CHLSN: variants seen among roughly 807,000 people sequenced by gnomAD.
The protein encoded by CHLSN is cholesin, also known as protein cholesin.
At chr7:1,099,076 G>C in the CHLSN span, among the ~76,000 whole-genome samples, 1 of 152,198 alleles carries the variant, frequency 6.6e-6, no homozygotes, top group Non-Finnish European at 1.5e-5. Flanking sequence ...GAGCCTCACT[G>C]TCACGTTCTT....
the CHLSN span, among the ~76,000 whole-genome samples, chr7:1,039,660 G>A: frequency 1.5e-5 from 1 of 67,238 alleles, no homozygotes. Flanking sequence ...CCACTACCCC[G>A]TCTGGGAGGT....
chr7:1,092,888 G>A, the CHLSN span: 1 of 1,596,058 alleles, frequency 6.3e-7, no homozygotes, highest in African/African-American at 1.3e-5. Context: ...CAGCCAGGGT[G>A]TGACTCGGGA....
At chr7:1,012,594 G>C in the CHLSN span, among the ~76,000 whole-genome samples, 2 of 152,250 alleles carry the variant, frequency 1.3e-5, no homozygotes, top group African/African-American at 4.8e-5. Flanking sequence ...GTGTCCCCGA[G>C]GGAGCCACTG....
the CHLSN span, among the ~76,000 whole-genome samples, chr7:979,438 T>C: frequency 6.6e-6 from 1 of 152,212 alleles, no homozygotes; most frequent in South Asian, 2.1e-4. Flanking sequence ...CTAGGATCGT[T>C]GACCTTATCT....
At chr7:1,064,137 C>T in the CHLSN span, among the ~76,000 whole-genome samples, 4 of 152,200 alleles carry the variant, frequency 2.6e-5, no homozygotes, top group African/African-American at 4.8e-5. Flanking sequence ...TATGCAAGCA[C>T]GCATGCACAC....
chr7:1,021,667 C>T, the CHLSN span: 1 of 762,186 alleles, frequency 1.3e-6, no homozygotes, highest in Non-Finnish European at 1.6e-6. Context: ...CCTCTGGGAA[C>T]CCCGGCAGGT....
chr7:1,045,774 C>G, the CHLSN span: 2 of 152,266 alleles, frequency 1.3e-5, no homozygotes, highest in African/African-American at 2.4e-5. Context: ...GACTTAAGAA[C>G]ATAGTTTATA....
At chr7:1,136,465 C>CAT in the CHLSN span, among the ~76,000 whole-genome samples, 2,877 of 67,776 alleles carry the variant, frequency 0.042, 365 homozygotes, top group East Asian at 0.13. Context: ...CATATATAAA[C>CAT]ATATATAAAT....
chr7:1,064,716 A>G, the CHLSN span, among the ~76,000 whole-genome samples: 11,008 of 152,204 alleles, frequency 0.072, 446 homozygotes, highest in Admixed American at 0.11. Context: ...CTGGCCCCAG[A>G]CTGTCGGATG....
the CHLSN span, among the ~76,000 whole-genome samples, chr7:1,123,513 C>T: frequency 6.6e-6 from 1 of 152,152 alleles, no homozygotes; most frequent in Non-Finnish European, 1.5e-5. The surrounding 1 kb of genome is among the most constrained non-coding windows in gnomAD (Gnocchi z 4.4). Context: ...CCACACGCTC[C>T]CCCGGAGCCC....
chr7:1,055,218 G>A, the CHLSN span: 2 of 470,674 alleles, frequency 4.2e-6, no homozygotes, highest in African/African-American at 2.0e-5. Context: ...GTAAACAGCA[G>A]GAGGGAGGGG....
At chr7:1,097,942 C>T in the CHLSN span, among the ~76,000 whole-genome samples, 1 of 152,100 alleles carries the variant, frequency 6.6e-6, no homozygotes, top group African/African-American at 2.4e-5. The surrounding 1 kb of genome is among the most constrained non-coding windows in gnomAD (Gnocchi z 4.3). Flanking sequence ...AGCAATCATC[C>T]CAAACTCAGA....
chr7:1,101,538 C>T, the CHLSN span, among the ~76,000 whole-genome samples: 3 of 152,230 alleles, frequency 2.0e-5, no homozygotes, highest in Non-Finnish European at 4.4e-5. Flanking sequence ...GCCCCTTCCC[C>T]GGCTATTCCT....
chr7:1,091,748 C>A, the CHLSN span: 1 of 1,534,712 alleles, frequency 6.5e-7, no homozygotes, highest in South Asian at 1.3e-5. Context: ...ACTTCCCAAG[C>A]CCGGGGCGTG....
chr7:1,081,562 G>A, the CHLSN span, among the ~76,000 whole-genome samples: 22 of 152,364 alleles, frequency 1.4e-4, no homozygotes, highest in East Asian at 3.3e-3. Context: ...CGCGGACGGG[G>A]AAGCTGAGAC....
At chr7:1,084,574 C>T in the CHLSN span, among the ~76,000 whole-genome samples, 2 of 152,308 alleles carry the variant, frequency 1.3e-5, no homozygotes, top group Admixed American at 6.5e-5. Flanking sequence ...CAGGCAGTGC[C>T]GCCCCACCCT....
At chr7:1,121,746 A>G in the CHLSN span, among the ~76,000 whole-genome samples, 2 of 152,208 alleles carry the variant, frequency 1.3e-5, no homozygotes, top group Non-Finnish European at 2.9e-5. Flanking sequence ...ACCTGGGAAC[A>G]TGGTACCCTG....
At chr7:1,137,940 C>T in the CHLSN span, 2 of 152,188 alleles carry the variant, frequency 1.3e-5, no homozygotes, top group Non-Finnish European at 1.5e-5. Flanking sequence ...GAGTCCCTTC[C>T]ACTCGCCCGC....
chr7:1,092,527 G>A, the CHLSN span: 3 of 1,608,372 alleles, frequency 1.9e-6, no homozygotes, highest in African/African-American at 1.3e-5. Context: ...GGTGGTGCTG[G>A]TCTTCTTCGT....
Sources: allele counts gnomAD v4.1 joint callset (sites outside exome capture counted in the v4.1 genomes callset), GRCh38; gene constraint gnomAD v4.1.1; non-coding constraint Gnocchi (gnomAD v3.1); transcripts MANE v1.5; gene names NCBI Gene and HGNC (gene_info 2026-07-23, HGNC 2026-07-21).